SGIP1: variants seen among roughly 807,000 people sequenced by gnomAD.
SGIP1 encodes SH3-containing GRB2-like protein 3-interacting protein 1.
SGIP1 carries 38 observed loss-of-function variants against 107.5 expected under a neutral mutation model. That is an observed-to-expected ratio of 0.35 (90% CI 0.27 to 0.46). SGIP1 has a LOEUF of 0.46. Ranked by LOEUF, SGIP1 falls within the 20% of genes least tolerant of loss-of-function variation. SGIP1 has a pLI of 1.00. For missense variants in SGIP1, 929 were observed against 1,019.5 expected (o/e 0.91, Z 1.21); for synonymous variants, 365 against 366.1 (o/e 1.00, Z 0.03).
At chr1:66,661,990 G>C (rs1219148258) in intron 8 of SGIP1, among the ~76,000 whole-genome samples, 1 of 152,054 alleles carries the variant, frequency 6.6e-6, no homozygotes, top group African/African-American at 2.4e-5. Flanking sequence ...TGAAGTTTTA[G>C]AAGATCATCT....
rs1264164620 is a variant in SGIP1, at chr1:66,749,518, C to T, written c.*6423C>T. 4.0e-5 allele frequency among the ~76,000 whole-genome samples: 6 copies of T among 150,346 alleles called. No individual in the cohort carries two copies. The highest frequency in any genetic ancestry group is 2.0e-4 in the East Asian group (1 of 5,122). On this transcript the variant is annotated 3_prime_UTR_variant, in exon 25 of 25. Coordinates refer to ENST00000371037, the MANE Select transcript of SGIP1 (RefSeq NM_032291.4). ...ATCAGTTACTTTTATACCAAATTAA[C>T]GAAGTTTCTTTAAAAACTTCCTGGT...
At chr1:66,689,065 T>C in intron 15 of SGIP1, 83 bp from the exon 16 acceptor site, 1 of 1,337,170 alleles carries the variant, frequency 7.5e-7, no homozygotes, top group Non-Finnish European at 9.9e-7. Context: ...AAAAAAAAAA[T>C]GTCCGGGACT....
chr1:66,681,608 C>T (rs2086710780), intron 14 of SGIP1, among the ~76,000 whole-genome samples: 1 of 152,174 alleles, frequency 6.6e-6, no homozygotes, highest in African/African-American at 2.4e-5. Context: ...CAGCACTTTA[C>T]ATGATGGTCA....
intron 21 of SGIP1, 77 bp from the exon 22 acceptor site, chr1:66,739,258 C>A (rs1242351395): frequency 8.0e-6 from 12 of 1,495,578 alleles, no homozygotes; most frequent in Non-Finnish European, 1.1e-5. Context: ...GCAGCATAAA[C>A]AACATATGAC....
chr1:66,634,443 G>A (rs2075404059), intron 3 of SGIP1, among the ~76,000 whole-genome samples: 1 of 152,108 alleles, frequency 6.6e-6, no homozygotes, highest in Non-Finnish European at 1.5e-5. Context: ...GGTAGAATGT[G>A]CACCCTGGTA....
intron 1 of SGIP1, among the ~76,000 whole-genome samples, chr1:66,617,534 G>A (rs1025699315): frequency 3.9e-5 from 6 of 152,146 alleles, no homozygotes; most frequent in Non-Finnish European, 5.9e-5. Context: ...GTCAATATGC[G>A]GCATTGTGCC....
At chr1:66,688,578 A>G (rs1237206157) in intron 15 of SGIP1, among the ~76,000 whole-genome samples, 12 of 152,256 alleles carry the variant, frequency 7.9e-5, no homozygotes, top group Admixed American at 5.2e-4. Flanking sequence ...TTCATGCAAC[A>G]TCTAATCTAT....
At chr1:66,717,516 C>T (rs1238197587) in intron 18 of SGIP1, among the ~76,000 whole-genome samples, 30 of 152,112 alleles carry the variant, frequency 2.0e-4, no homozygotes, top group Admixed American at 2.0e-3. Context: ...TGCCATTGTT[C>T]CTTCCTTTTA....
intron 20 of SGIP1, among the ~76,000 whole-genome samples, chr1:66,730,812 C>T (rs1257390654): frequency 1.3e-5 from 2 of 152,166 alleles, no homozygotes; most frequent in African/African-American, 4.8e-5. Context: ...AAACAGGCTG[C>T]ATCCTTTCCC....
chr1:66,650,878 T>C (rs1013519381), intron 7 of SGIP1, among the ~76,000 whole-genome samples: 5 of 152,188 alleles, frequency 3.3e-5, no homozygotes, highest in African/African-American at 1.2e-4. Context: ...AAGCATTTTG[T>C]TCCTTACTGA....
intron 9 of SGIP1, among the ~76,000 whole-genome samples, chr1:66,669,288 A>G (rs768181340): frequency 3.3e-5 from 5 of 152,306 alleles, no homozygotes; most frequent in Admixed American, 6.5e-5. Flanking sequence ...GGAATTGATG[A>G]CTACAAAAGG....
chr1:66,740,879 C>A (rs923648228), intron 23 of SGIP1, among the ~76,000 whole-genome samples, 157 bp downstream of exon 23: 1 of 152,152 alleles, frequency 6.6e-6, no homozygotes, highest in Non-Finnish European at 1.5e-5. Flanking sequence ...GCAAATAATT[C>A]TTCAATGAAT....
intron 24 of SGIP1, among the ~76,000 whole-genome samples, chr1:66,742,131 G>C (rs2094466806): frequency 6.6e-6 from 1 of 152,140 alleles, no homozygotes; most frequent in Non-Finnish European, 1.5e-5. Flanking sequence ...ACAGAGTTTA[G>C]ACTTGTCAGG....
chr1:66,559,379 T>C (rs2058620619), intron 1 of SGIP1, among the ~76,000 whole-genome samples: 2 of 152,056 alleles, frequency 1.3e-5, no homozygotes, highest in African/African-American at 4.8e-5. Context: ...TAGCCTGGCT[T>C]AACCTATCTT....
Position 66,640,601 on chromosome 1 carries a change from C to A in SGIP1, c.228+768C>A, listed in dbSNP as rs184965785. On this transcript the variant is annotated intron_variant, in intron 5 of 24. Coordinates refer to ENST00000371037, the MANE Select transcript of SGIP1 (RefSeq NM_032291.4). Reference sequence around the variant, plus strand: ...ATCACAAATGTTGGGAAGGAGAGAACATGTGGCTGAGAGGGGATCAATGGA... The same window carrying A: ...ATCACAAATGTTGGGAAGGAGAGAAAATGTGGCTGAGAGGGGATCAATGGA... Among the ~76,000 whole-genome samples the A allele has an allele frequency of 2.6e-5, 4 of 152,146 alleles. No individual in the cohort carries two copies. In the East Asian group the frequency reaches 7.7e-4, roughly 29 times the overall value.
chr1:66,686,053 G>A (rs2088142703), intron 15 of SGIP1, among the ~76,000 whole-genome samples: 1 of 152,226 alleles, frequency 6.6e-6, no homozygotes, highest in African/African-American at 2.4e-5. Context: ...TAATTCACTT[G>A]ATTCTCCCAG....
At chr1:66,688,907 T>C (rs1571858511) in intron 15 of SGIP1, among the ~76,000 whole-genome samples, 1 of 152,142 alleles carries the variant, frequency 6.6e-6, no homozygotes, top group Non-Finnish European at 1.5e-5. Flanking sequence ...GGATTTACCT[T>C]TCACTGGGTG....
At chr1:66,684,641 G>C (rs950119387) in intron 15 of SGIP1, among the ~76,000 whole-genome samples, 4 of 152,284 alleles carry the variant, frequency 2.6e-5, no homozygotes, top group Admixed American at 2.6e-4. Flanking sequence ...GTCCTCAAAG[G>C]AAACATCTTT....
Position 66,681,129 on chromosome 1 carries a change from T to A in SGIP1, c.815-740T>A, listed in dbSNP as rs558494928. Reference sequence around the variant, plus strand: ...ATTTAAAAATTTTTAAATTATTTTCTTCTCCATTAAGCAGGTATATATGTA... The same window carrying A: ...ATTTAAAAATTTTTAAATTATTTTCATCTCCATTAAGCAGGTATATATGTA... On this transcript the variant is annotated intron_variant, in intron 14 of 24. Coordinates refer to ENST00000371037, the MANE Select transcript of SGIP1 (RefSeq NM_032291.4). Among the ~76,000 whole-genome samples, 3 of 152,340 alleles carry A rather than the reference T, an allele frequency of 2.0e-5. No homozygotes were observed. The South Asian group carries it at 6.2e-4, about 32-fold the overall frequency.
Sources: gnomAD v4.1 joint callset for allele counts (sites outside exome capture counted in the v4.1 genomes callset) on GRCh38, gnomAD v4.1.1 for gene constraint, MANE v1.5 for transcripts, NCBI Gene and HGNC (gene_info 2026-07-23, HGNC 2026-07-21) for gene names.